PTPRD: variants seen among roughly 807,000 people sequenced by gnomAD.
The protein encoded by PTPRD is protein tyrosine phosphatase receptor type D.
PTPRD carries 34 observed loss-of-function variants against 214.5 expected under a neutral mutation model. That is an observed-to-expected ratio of 0.16 (90% CI 0.12 to 0.21). The LOEUF (loss-of-function observed/expected upper bound fraction) is 0.21, where lower values mean the gene tolerates loss of function less well. Among genes scored for constraint, PTPRD ranks in the 10% least tolerant of loss-of-function variants. PTPRD has a pLI of 1.00. For synonymous variants in PTPRD, 1,128 were observed against 845.7 expected (o/e 1.33, Z -5.79); for missense variants, 2,545 against 2,398.7 (o/e 1.06, Z -1.27).
intron 11 of PTPRD, among the ~76,000 whole-genome samples, chr9:8,966,098 C>A (rs879787686): frequency 1.3e-5 from 2 of 152,016 alleles, no homozygotes; most frequent in Admixed American, 1.3e-4. Context: ...AATTGAAGAA[C>A]TTCAGAATAC....
intron 9 of PTPRD, among the ~76,000 whole-genome samples, chr9:9,340,348 T>A (rs946796552): frequency 1.3e-5 from 2 of 152,198 alleles, no homozygotes; most frequent in African/African-American, 2.4e-5. Context: ...CTCAGAACAC[T>A]GAAGATTTGC....
chr9:9,042,373 A>G (rs1306317057), intron 10 of PTPRD, among the ~76,000 whole-genome samples: 1 of 152,180 alleles, frequency 6.6e-6, no homozygotes, highest in Non-Finnish European at 1.5e-5. Flanking sequence ...GACTAGGACA[A>G]TTCCAACTGG....
intron 14 of PTPRD, among the ~76,000 whole-genome samples, chr9:8,564,064 T>G (rs529074487): frequency 6.6e-6 from 1 of 152,298 alleles, no homozygotes; most frequent in Admixed American, 6.5e-5. Context: ...AGGCTAGAGA[T>G]ATGTGGTACG....
chr9:8,347,090 A>AGG (rs146176045), intron 39 of PTPRD, among the ~76,000 whole-genome samples: 3 of 151,912 alleles, frequency 2.0e-5, no homozygotes, highest in East Asian at 1.9e-4. Flanking sequence ...CCCTGCGGAT[A>AGG]GAGGGGGACT....
chr9:9,419,518 G>A (rs1281436888), intron 8 of PTPRD, among the ~76,000 whole-genome samples: 1 of 151,828 alleles, frequency 6.6e-6, no homozygotes, highest in South Asian at 2.1e-4. Flanking sequence ...GAAGGTTTGG[G>A]AAACCTATAA....
chr9:10,054,318 G>C (rs1489069173), intron 3 of PTPRD, among the ~76,000 whole-genome samples: 1 of 152,130 alleles, frequency 6.6e-6, no homozygotes, highest in Non-Finnish European at 1.5e-5. Flanking sequence ...GAAATTTTAT[G>C]CGTCTCTCAT....
chr9:9,350,895 G>A (rs1368651675), intron 9 of PTPRD, among the ~76,000 whole-genome samples: 1 of 151,976 alleles, frequency 6.6e-6, no homozygotes, highest in Non-Finnish European at 1.5e-5. Context: ...CTCTTTTTCT[G>A]AGAGTGTCCA....
In PTPRD at chr9:9,838,649, T is replaced by C. The variant is rs1599321559; in HGVS notation, c.-367-71798A>G. Among the ~76,000 whole-genome samples the C allele has an allele frequency of 2.6e-5, 4 of 152,338 alleles. No individual in the cohort carries two copies. In the South Asian group the frequency reaches 8.3e-4, roughly 32 times the overall value. On this transcript the variant is annotated intron_variant, in intron 5 of 45. Transcript: ENST00000381196. ...CTTGTAAATTTGTTTGAGTTCATTG[T>C]AGATTCTGGATATTAGCCCTTTGTC... is the stretch of plus-strand genomic sequence containing the variant.
intron 9 of PTPRD, among the ~76,000 whole-genome samples, chr9:9,286,054 T>C (rs1949246723): frequency 6.6e-6 from 1 of 151,792 alleles, no homozygotes; most frequent in African/African-American, 2.4e-5. Flanking sequence ...CTATGAATTC[T>C]ATCCTAAAAA....
intron 8 of PTPRD, among the ~76,000 whole-genome samples, chr9:9,501,594 A>G (rs2096416847): frequency 6.6e-6 from 1 of 151,920 alleles, no homozygotes; most frequent in African/African-American, 2.4e-5. Flanking sequence ...CTATGCCCAA[A>G]GACTGGAGAA....
chr9:9,333,862 T>C (rs529037606), intron 9 of PTPRD, among the ~76,000 whole-genome samples: 91 of 152,070 alleles, frequency 6.0e-4, no homozygotes, highest in East Asian at 2.5e-3. Context: ...GCCAATAGTA[T>C]ATATTACTTA....
chr9:8,838,016 G>C (rs1487279658), intron 11 of PTPRD, among the ~76,000 whole-genome samples: 2 of 152,120 alleles, frequency 1.3e-5, no homozygotes, highest in African/African-American at 4.8e-5. Flanking sequence ...TATTGAAAAT[G>C]TAAGAGTCAA....
In PTPRD at chr9:8,521,341, A is replaced by G. The variant is rs2097887383; in HGVS notation, c.897T>C (p.Asn299=). 6.2e-7 allele frequency: 1 copy of G among 1,613,920 alleles called. No individual in the cohort carries two copies. The highest frequency in any genetic ancestry group is 1.3e-5 in the African/African-American group (1 of 75,006). Residue 299 remains asparagine, a synonymous_variant, in exon 20 of 46, where the codon AAT becomes AAC. Coordinates refer to ENST00000381196, the MANE Select transcript of PTPRD (RefSeq NM_002839.4). ...GTGTTGACATAGCAACACAGGTGTA[A>G]TTTGCTGACTGTCTTACATCATTCA... ...LELNDVRQSA[N]YTCVAMSTLG... is the part of the protein sequence containing the mutation.
chr9:8,659,992 G>A (rs1224502489), intron 12 of PTPRD, among the ~76,000 whole-genome samples: 3 of 152,164 alleles, frequency 2.0e-5, no homozygotes, highest in African/African-American at 7.2e-5. Context: ...AAAAAGAATT[G>A]TTCAAAACAA....
intron 39 of PTPRD, among the ~76,000 whole-genome samples, chr9:8,352,983 T>A (rs1041400834): frequency 1.3e-5 from 2 of 152,056 alleles, no homozygotes; most frequent in Non-Finnish European, 2.9e-5. Flanking sequence ...TGGTGGCACA[T>A]GCCTGCAGTC....
intron 3 of PTPRD, among the ~76,000 whole-genome samples, chr9:10,156,322 C>A (rs2099093265): frequency 6.6e-6 from 1 of 152,060 alleles, no homozygotes; most frequent in South Asian, 2.1e-4. Context: ...GCCAGAGATT[C>A]TGGTGTGTTG....
intron 3 of PTPRD, among the ~76,000 whole-genome samples, chr9:10,123,000 A>C (rs1476119011): frequency 6.6e-6 from 1 of 152,222 alleles, no homozygotes; most frequent in Non-Finnish European, 1.5e-5. Context: ...CCTGAGTTAC[A>C]CATCTGCTGA....
intron 11 of PTPRD, among the ~76,000 whole-genome samples, chr9:8,777,770 A>G (rs533386835): frequency 6.6e-6 from 1 of 152,348 alleles, no homozygotes; most frequent in African/African-American, 2.4e-5. Context: ...ATGCAGTCCT[A>G]TATTCATTGT....
intron 14 of PTPRD, among the ~76,000 whole-genome samples, chr9:8,614,400 A>G (rs2095544078): frequency 6.6e-6 from 1 of 152,146 alleles, no homozygotes; most frequent in Non-Finnish European, 1.5e-5. Context: ...ATGACCAGGT[A>G]TAGGTTTATT....
Sources: allele counts gnomAD v4.1 joint callset (sites outside exome capture counted in the v4.1 genomes callset), GRCh38; gene constraint gnomAD v4.1.1; transcripts MANE v1.5; gene names NCBI Gene and HGNC (gene_info 2026-07-23, HGNC 2026-07-21).